The following DLGAP2 variants were observed in gnomAD, a reference collection of about 807,000 sequenced individuals.
The protein encoded by DLGAP2 is DLG associated protein 2.
A neutral mutation model predicts 100.3 loss-of-function variants in DLGAP2; 26 were observed. The ratio of observed to expected loss-of-function variants is 0.26; its 90% CI spans 0.19 to 0.36. DLGAP2 has a LOEUF of 0.36. Among genes scored for constraint, DLGAP2 ranks in the 10% least tolerant of loss-of-function variants. The probability of loss-of-function intolerance (pLI) is 1.00; values close to 1 mark genes in which losing one functional copy is unlikely to be tolerated. For synonymous variants in DLGAP2, 886 were observed against 630.1 expected, an observed-to-expected ratio of 1.41 and a Z score of -6.08; for missense variants, 1,858 against 1,453.2, an observed-to-expected ratio of 1.28 and a Z score of -4.53.
chr8:877,426 G>T (rs1303087464), intron 1 of DLGAP2, among the ~76,000 whole-genome samples: 2 of 152,142 alleles, frequency 1.3e-5, no homozygotes, highest in Non-Finnish European at 2.9e-5. Flanking sequence ...TGCAGCTTTG[G>T]GTGTGACCCC....
intron 2 of DLGAP2, among the ~76,000 whole-genome samples, chr8:985,221 A>C (rs1035813667): frequency 3.9e-5 from 6 of 152,176 alleles, no homozygotes; most frequent in Non-Finnish European, 8.8e-5. Flanking sequence ...GTCAAGATAC[A>C]AGGTCCGAAG....
At chr8:1,136,314 C>T (rs1446113335) in intron 2 of DLGAP2, among the ~76,000 whole-genome samples, 2 of 152,178 alleles carry the variant, frequency 1.3e-5, no homozygotes, top group African/African-American at 2.4e-5. Context: ...AAAAAACTCC[C>T]CTCCCATCAG....
chr8:1,586,909 GCTTT>G (rs1796139008), intron 6 of DLGAP2, among the ~76,000 whole-genome samples: 1 of 152,158 alleles, frequency 6.6e-6, no homozygotes, highest in South Asian at 2.1e-4. Flanking sequence ...AAGCTTTTAT[GCTTT>G]CACCTTCATC....
intron 1 of DLGAP2, among the ~76,000 whole-genome samples, chr8:847,932 T>C (rs1218836835): frequency 2.6e-5 from 4 of 152,230 alleles, no homozygotes; most frequent in Non-Finnish European, 5.9e-5. Flanking sequence ...GGATGCTTGC[T>C]TGCGTGTTTG....
intron 1 of DLGAP2, among the ~76,000 whole-genome samples, chr8:796,608 C>T (rs1475463340): frequency 5.9e-5 from 9 of 152,178 alleles, no homozygotes; most frequent in Admixed American, 5.9e-4. Context: ...AGCCTCAGAG[C>T]CTAGCAGTGC....
intron 8 of DLGAP2, among the ~76,000 whole-genome samples, chr8:1,665,291 G>A (rs953513529): frequency 2.6e-5 from 4 of 152,158 alleles, no homozygotes; most frequent in African/African-American, 9.7e-5. Context: ...ACCTTTGAGA[G>A]TAACTATGAA....
intron 2 of DLGAP2, among the ~76,000 whole-genome samples, chr8:1,165,501 A>G (rs1035891345): frequency 3.3e-5 from 5 of 152,194 alleles, no homozygotes; most frequent in African/African-American, 1.2e-4. Context: ...ATTAATGTGT[A>G]CATTTGCTCA....
At chr8:1,311,968 C>A (rs1315726259) in intron 3 of DLGAP2, among the ~76,000 whole-genome samples, 1 of 152,206 alleles carries the variant, frequency 6.6e-6, no homozygotes, top group Non-Finnish European at 1.5e-5. Flanking sequence ...TTTTGAGTGT[C>A]TGCTCTCAGT....
At chr8:1,434,535 G>C (rs554977766) in intron 3 of DLGAP2, among the ~76,000 whole-genome samples, 1 of 152,170 alleles carries the variant, frequency 6.6e-6, no homozygotes. Flanking sequence ...GGAGGGCAGT[G>C]GTACAATCTT....
intron 4 of DLGAP2, among the ~76,000 whole-genome samples, chr8:1,529,124 A>G (rs762785736): frequency 7.2e-5 from 11 of 152,194 alleles, no homozygotes; most frequent in Non-Finnish European, 1.3e-4. Flanking sequence ...ACAGTTCAGC[A>G]TGGCTGGTGA....
intron 2 of DLGAP2, among the ~76,000 whole-genome samples, chr8:990,415 C>G (rs1212011864): frequency 1.5e-5 from 1 of 65,848 alleles, no homozygotes; most frequent in Non-Finnish European, 2.9e-5. Context: ...CCCCCCTTGC[C>G]CAGACCCCCT....
chr8:1,309,625 C>G lies in DLGAP2; in HGVS notation c.106+50742C>G, dbSNP rs575508510. Among the ~76,000 whole-genome samples, 30 of 152,268 alleles carry G rather than the reference C, an allele frequency of 2.0e-4. 1 individual carries two copies. The South Asian group carries it at 6.2e-3, about 32-fold the overall frequency. On this transcript the variant is annotated intron_variant, in intron 3 of 14. Coordinates refer to ENST00000637795, the MANE Select transcript of DLGAP2 (RefSeq NM_001346810.2). ...ACATAAAAGGACAGCGGCATTAGCTCAAAGCTATATGAAGTGAAAGGTCTT... is the reference window on the plus strand; with the variant it reads ...ACATAAAAGGACAGCGGCATTAGCTGAAAGCTATATGAAGTGAAAGGTCTT...
intron 4 of DLGAP2, among the ~76,000 whole-genome samples, chr8:1,516,623 GGGAA>G (rs1389756484): frequency 6.6e-6 from 1 of 150,572 alleles, no homozygotes; most frequent in African/African-American, 2.4e-5. Flanking sequence ...GAATCAGGGA[GGGAA>G]GGAGTGAATG....
intron 2 of DLGAP2, among the ~76,000 whole-genome samples, chr8:1,164,958 C>T (rs1162605874): frequency 1.3e-5 from 2 of 152,022 alleles, no homozygotes; most frequent in Admixed American, 6.6e-5. Flanking sequence ...GCTGTAGAAA[C>T]CCAAATTATC....
chr8:1,676,688 T>C, intron 11 of DLGAP2, 70 bp downstream of exon 11: 1 of 1,465,158 alleles, frequency 6.8e-7, no homozygotes, highest in African/African-American at 1.4e-5. Flanking sequence ...TGATGGAAGC[T>C]CCTAGATCCT....
intron 1 of DLGAP2, among the ~76,000 whole-genome samples, chr8:773,166 A>T (rs1821412062): frequency 6.6e-6 from 1 of 152,056 alleles, no homozygotes; most frequent in Non-Finnish European, 1.5e-5. Context: ...TCCCCAGTCA[A>T]TGCGTCAGCA....
chr8:1,646,979 G>A (rs190858258), intron 8 of DLGAP2, among the ~76,000 whole-genome samples: 229 of 152,322 alleles, frequency 1.5e-3, no homozygotes, highest in Non-Finnish European at 2.4e-3. Context: ...GCAGAGGTGA[G>A]CGGACAGTGG....
intron 1 of DLGAP2, among the ~76,000 whole-genome samples, chr8:886,213 G>A (rs973504024): frequency 6.6e-6 from 1 of 152,090 alleles, no homozygotes; most frequent in Non-Finnish European, 1.5e-5. Flanking sequence ...TTCTCTGATC[G>A]TAGTTTGTAT....
chr8:832,905 G>A (rs768440087), intron 1 of DLGAP2, among the ~76,000 whole-genome samples: 1 of 152,152 alleles, frequency 6.6e-6, no homozygotes, highest in Non-Finnish European at 1.5e-5. Flanking sequence ...TCTTCCTCTT[G>A]GGAGTCAGTT....
Sources: gnomAD v4.1 joint callset for allele counts (sites outside exome capture counted in the v4.1 genomes callset) on GRCh38, gnomAD v4.1.1 for gene constraint, MANE v1.5 for transcripts, NCBI Gene and HGNC (gene_info 2026-07-23, HGNC 2026-07-21) for gene names.